Variants in CCDC148 observed in about 807,000 individuals in gnomAD.
The protein encoded by CCDC148 is coiled-coil domain containing 148.
A neutral mutation model predicts 85.7 loss-of-function variants in CCDC148; 89 were observed. The observed-to-expected ratio is 1.04, with a 90% confidence interval of 0.87 to 1.24. The LOEUF (loss-of-function observed/expected upper bound fraction) is 1.24, where lower values mean the gene tolerates loss of function less well. Ranked by LOEUF, CCDC148 falls within the 50% of genes most tolerant of loss-of-function variation. The probability of loss-of-function intolerance (pLI) is 0.00; values close to 1 mark genes in which losing one functional copy is unlikely to be tolerated. For synonymous variants in CCDC148, 230 were observed against 213.9 expected (o/e 1.08, Z -0.66); for missense variants, 692 against 671.7 (o/e 1.03, Z -0.33).
At chr2:158,249,110 G>A (rs149988767) in intron 10 of CCDC148, among the ~76,000 whole-genome samples, 10 of 152,144 alleles carry the variant, frequency 6.6e-5, no homozygotes, top group East Asian at 1.9e-4. Context: ...TAATTGTACC[G>A]ACTCCCATTC....
chr2:158,427,055 C>T (rs1373614168), intron 1 of CCDC148, among the ~76,000 whole-genome samples: 1 of 152,022 alleles, frequency 6.6e-6, no homozygotes, highest in Non-Finnish European at 1.5e-5. Flanking sequence ...TGAATAAAGG[C>T]TTTTGAAATA....
chr2:158,293,953 T>TCTTCCTTC (rs1559049494), intron 9 of CCDC148, among the ~76,000 whole-genome samples: 5 of 13,534 alleles, frequency 3.7e-4, no homozygotes, highest in Admixed American at 6.9e-4. Flanking sequence ...TTCCTTCCCC[T>TCTTCCTTC]CTCCCTCCCT....
At chr2:158,449,154 A>T (rs1445043580) in intron 1 of CCDC148, among the ~76,000 whole-genome samples, 1 of 152,158 alleles carries the variant, frequency 6.6e-6, no homozygotes, top group Non-Finnish European at 1.5e-5. Context: ...TCATTTTCAG[A>T]TTCCTAGTTC....
At chr2:158,238,880 C>G (rs1199473237) in intron 10 of CCDC148, among the ~76,000 whole-genome samples, 1 of 152,128 alleles carries the variant, frequency 6.6e-6, no homozygotes, top group Non-Finnish European at 1.5e-5. Flanking sequence ...ATTAACAGCA[C>G]ACAGCAATCA....
At chr2:158,228,142 G>A (rs1226110420) in intron 10 of CCDC148, among the ~76,000 whole-genome samples, 3 of 152,100 alleles carry the variant, frequency 2.0e-5, no homozygotes, top group African/African-American at 7.2e-5. Context: ...CAAAAAGTGG[G>A]CAAAAGATAT....
In CCDC148 at chr2:158,377,120, C is replaced by A. The variant is rs146949978; in HGVS notation, c.26-18550G>T. On this transcript the variant is annotated intron_variant, in intron 1 of 13. Transcript: ENST00000283233. The stretch of plus-strand genomic sequence containing the variant: ...TTTCATAATCTCTTTGCACAAGGAT[C>A]CATATTCTCTGAACAATGATTTGAA... Among the ~76,000 whole-genome samples, 418 of 152,060 alleles carry A rather than the reference C, an allele frequency of 2.7e-3. 3 individuals are homozygous for A. Among genetic ancestry groups the A allele is most frequent in the Non-Finnish European group, 4.5e-3 (304 of 67,960 alleles).
rs1307636238 is a variant in CCDC148 at position 158,279,042 on chromosome 2, A to T, written c.1111-28130T>A. 3.9e-5 allele frequency among the ~76,000 whole-genome samples: 6 copies of T among 152,292 alleles called. 1 individual carries two copies. In the Middle Eastern group the frequency reaches 0.017, roughly 432 times the overall value. On this transcript the variant is annotated intron_variant, in intron 9 of 13. Coordinates refer to ENST00000283233, the MANE Select transcript of CCDC148 (RefSeq NM_138803.4). Reference sequence around the variant, plus strand: ...AGGGTCTGGAGTGGACCTCTAGCAAACTCTAACAGACCTGCACCTGAGGGT... The same window carrying T: ...AGGGTCTGGAGTGGACCTCTAGCAATCTCTAACAGACCTGCACCTGAGGGT...
intron 9 of CCDC148, among the ~76,000 whole-genome samples, chr2:158,272,339 G>A (rs1689735744): frequency 6.6e-6 from 1 of 152,158 alleles, no homozygotes; most frequent in South Asian, 2.1e-4. Flanking sequence ...CATTGATGGA[G>A]AAGAAGGGTA....
Position 158,340,670 on chromosome 2 carries a change from C to A in CCDC148, c.262G>T (p.Glu88Ter). The A allele has an allele frequency of 1.3e-6, 2 of 1,554,078 alleles. No homozygotes were observed. The highest frequency in any genetic ancestry group is 1.8e-6 in the Non-Finnish European group (2 of 1,135,240). The change falls in exon 4 of 14, where the codon GAA becomes TAA. Residue 88 changes from glutamate to a stop codon, truncating the protein, a stop_gained. Transcript: ENST00000283233. LOFTEE classifies it high-confidence loss of function. ...TTGAGAAGGGATTTTATTTCAGATTCCATTTTACATCTGAAATAGATGTGA... is the reference window on the plus strand; with the variant it reads ...TTGAGAAGGGATTTTATTTCAGATTACATTTTACATCTGAAATAGATGTGA... ...QRLNEVRCKM[E>*]SEIKSLLNEE...
chr2:158,375,813 A>G (rs1684626606), intron 1 of CCDC148, among the ~76,000 whole-genome samples: 1 of 152,106 alleles, frequency 6.6e-6, no homozygotes, highest in African/African-American at 2.4e-5. Flanking sequence ...TGAAATGCGG[A>G]CGTAAAGCTA....
chr2:158,201,425 T>TC (rs1173021129), intron 11 of CCDC148, among the ~76,000 whole-genome samples: 4 of 151,968 alleles, frequency 2.6e-5, no homozygotes, highest in Admixed American at 2.6e-4. Context: ...TATTTTTTTT[T>TC]TGGAGACAGG....
At chr2:158,284,309 T>C (rs1181325231) in intron 9 of CCDC148, among the ~76,000 whole-genome samples, 2 of 150,470 alleles carry the variant, frequency 1.3e-5, no homozygotes, top group Non-Finnish European at 3.0e-5. Context: ...AATGACAGAT[T>C]AGTATTTCAG....
chr2:158,345,949 A>T (rs185622083), intron 2 of CCDC148, among the ~76,000 whole-genome samples: 60 of 152,272 alleles, frequency 3.9e-4, no homozygotes, highest in Admixed American at 7.2e-4. Flanking sequence ...TTGTAAAAAA[A>T]TTTTTTTAAT....
chr2:158,214,816 T>C (rs1686762809), intron 11 of CCDC148, among the ~76,000 whole-genome samples: 1 of 152,162 alleles, frequency 6.6e-6, no homozygotes, highest in Non-Finnish European at 1.5e-5. Context: ...AAAGATGAAC[T>C]TTTCTAAAGG....
At chr2:158,431,102 T>A (rs1048151036) in intron 1 of CCDC148, among the ~76,000 whole-genome samples, 1 of 151,258 alleles carries the variant, frequency 6.6e-6, no homozygotes, top group Non-Finnish European at 1.5e-5. Context: ...ATACCAAGAA[T>A]ACTAATATAC....
intron 3 of CCDC148, among the ~76,000 whole-genome samples, 192 bp from the exon 4 acceptor site, chr2:158,340,872 A>T (rs1265112013): frequency 6.6e-6 from 1 of 152,218 alleles, no homozygotes; most frequent in African/African-American, 2.4e-5. Context: ...GAGAAGAAAC[A>T]GCGTGAGCAA....
At chr2:158,436,903 T>C (rs1206093081) in intron 1 of CCDC148, among the ~76,000 whole-genome samples, 1 of 152,122 alleles carries the variant, frequency 6.6e-6, no homozygotes, top group African/African-American at 2.4e-5. Flanking sequence ...CCTCGACACA[T>C]ACACCCTCTC....
chr2:158,273,007 T>C (rs894584197), intron 9 of CCDC148, among the ~76,000 whole-genome samples: 1 of 152,212 alleles, frequency 6.6e-6, no homozygotes, highest in African/African-American at 2.4e-5. Flanking sequence ...TGGAAACATA[T>C]GAAGTGGATT....
chr2:158,336,601 T>C (rs1682395338), intron 7 of CCDC148, among the ~76,000 whole-genome samples: 1 of 152,180 alleles, frequency 6.6e-6, no homozygotes, highest in African/African-American at 2.4e-5. Context: ...GTGAAACAGA[T>C]CATTATCTGA....
Sources: allele counts gnomAD v4.1 joint callset (sites outside exome capture counted in the v4.1 genomes callset), GRCh38; gene constraint gnomAD v4.1.1; transcripts MANE v1.5; gene names NCBI Gene and HGNC (gene_info 2026-07-23, HGNC 2026-07-21).